Variants in GAN observed in about 807,000 individuals in gnomAD.
GAN encodes epididymis secretory sperm binding protein.
Under a neutral mutation model 71.3 loss-of-function variants are expected in GAN, and 48 were observed. The ratio of observed to expected loss-of-function variants is 0.67; its 90% CI spans 0.53 to 0.86. The LOEUF (loss-of-function observed/expected upper bound fraction) is 0.86, where lower values mean the gene tolerates loss of function less well. Ranked by LOEUF, GAN falls within the 40% of genes least tolerant of loss-of-function variation. The probability of loss-of-function intolerance (pLI) is 0.00; values close to 1 mark genes in which losing one functional copy is unlikely to be tolerated. For missense variants in GAN, 928 were observed against 770.1 expected, an observed-to-expected ratio of 1.21 and a Z score of -2.43; for synonymous variants, 386 against 276.8, an observed-to-expected ratio of 1.39 and a Z score of -3.92.
chr16:81,377,146 C>T (rs1904284219), intron 9 of GAN, 73 bp from the exon 10 acceptor site: 2 of 909,232 alleles, frequency 2.2e-6, no homozygotes, highest in Non-Finnish European at 1.9e-6. Flanking sequence ...ACCAAGCTTG[C>T]TGTGTCAGTC....
At chr16:81,360,401 C>T (rs1046138535) in intron 5 of GAN, among the ~76,000 whole-genome samples, 7 of 152,110 alleles carry the variant, frequency 4.6e-5, no homozygotes, top group Non-Finnish European at 1.0e-4. Context: ...TTCTGCCTTC[C>T]ATTGTTGTGA....
At chr16:81,345,769 G>A (rs977492481) in intron 1 of GAN, among the ~76,000 whole-genome samples, 1 of 152,118 alleles carries the variant, frequency 6.6e-6, no homozygotes, top group African/African-American at 2.4e-5. Context: ...AGGGCTTCTT[G>A]TAACCTTTTC....
Position 81,354,985 on chromosome 16 carries a change from G to A in GAN, c.633+230G>A, listed in dbSNP as rs533096668. On this transcript the variant is annotated intron_variant, in intron 3 of 10. Transcript: ENST00000648994. Reference sequence around the variant, plus strand: ...GAAAATATTAGCCCTTGTAAGGAGCGTAATATCCTTTGTATGTTGTTTTTA... The same window carrying A: ...GAAAATATTAGCCCTTGTAAGGAGCATAATATCCTTTGTATGTTGTTTTTA... Among the ~76,000 whole-genome samples the A allele has an allele frequency of 8.1e-4, 124 of 152,306 alleles. 1 individual carries two copies. Among genetic ancestry groups the A allele is most frequent in the African/African-American group, 2.8e-3 (115 of 41,562 alleles).
chr16:81,334,942 GAAAC>G (rs1184733532), intron 1 of GAN, among the ~76,000 whole-genome samples: 5 of 152,134 alleles, frequency 3.3e-5, no homozygotes, highest in East Asian at 1.9e-4. Flanking sequence ...GATAGAGCAG[GAAAC>G]AAACAAAGTC....
At chr16:81,360,028 TGGATGG>T (rs1910620369) in intron 5 of GAN, among the ~76,000 whole-genome samples, 1 of 119,222 alleles carries the variant, frequency 8.4e-6, no homozygotes, top group Non-Finnish European at 1.9e-5. Flanking sequence ...GATGGATGGA[TGGATGG>T]ATGGATGGAT....
At chr16:81,323,694 TAACTC>T (rs1909289033) in intron 1 of GAN, among the ~76,000 whole-genome samples, 2 of 152,200 alleles carry the variant, frequency 1.3e-5, no homozygotes, top group South Asian at 2.1e-4. Context: ...ACACAGGAGA[TAACTC>T]AAGACATCTC....
At chr16:81,351,231 A>G (rs939261290) in intron 1 of GAN, among the ~76,000 whole-genome samples, 1 of 152,192 alleles carries the variant, frequency 6.6e-6, no homozygotes, top group African/African-American at 2.4e-5. Flanking sequence ...AGGTTTGTGG[A>G]GTCCTTGTTA....
At chr16:81,336,089 G>T (rs879936016) in intron 1 of GAN, among the ~76,000 whole-genome samples, 2 of 152,120 alleles carry the variant, frequency 1.3e-5, no homozygotes, top group Non-Finnish European at 2.9e-5. Flanking sequence ...CATGTCTTCC[G>T]ACAGGACAAA....
At chr16:81,365,237 A>C (rs1429038724) in intron 8 of GAN, 113 bp from the exon 9 acceptor site, 1 of 1,566,730 alleles carries the variant, frequency 6.4e-7, no homozygotes, top group Non-Finnish European at 8.8e-7. Flanking sequence ...ATTTCCTGAG[A>C]AAGGAAGGCC....
At chr16:81,369,018 G>A (rs372926851) in intron 9 of GAN, among the ~76,000 whole-genome samples, 11 of 152,194 alleles carry the variant, frequency 7.2e-5, no homozygotes, top group South Asian at 4.2e-4. Flanking sequence ...TTCACATATC[G>A]TATACTCCAG....
intron 1 of GAN, among the ~76,000 whole-genome samples, chr16:81,337,382 AAT>A (rs1299343341): frequency 1.3e-5 from 2 of 152,184 alleles, no homozygotes; most frequent in African/African-American, 4.8e-5. Flanking sequence ...ATTCTATTTA[AAT>A]ATGTTTCCTT....
chr16:81,335,121 AG>A (rs1213632206), intron 1 of GAN, among the ~76,000 whole-genome samples: 1 of 105,988 alleles, frequency 9.4e-6, no homozygotes, highest in Non-Finnish European at 1.8e-5. Flanking sequence ...AACTGGATCT[AG>A]GGAAGGATTA....
chr16:81,342,291 C>A (rs551272239), intron 1 of GAN, among the ~76,000 whole-genome samples: 1 of 152,316 alleles, frequency 6.6e-6, no homozygotes, highest in Admixed American at 6.5e-5. Context: ...ACCAAATAGA[C>A]ATCTACAGAA....
At chr16:81,376,967 G>C (rs1904283563) in intron 9 of GAN, among the ~76,000 whole-genome samples, 2 of 152,320 alleles carry the variant, frequency 1.3e-5, no homozygotes, top group East Asian at 1.9e-4. Context: ...CAGAAACCTT[G>C]TGCTGAGCAG....
rs991469553 is a variant in GAN at position 81,354,572 on chromosome 16, T to A, written c.450T>A (p.His150Gln). Residue 150 changes from histidine (H) to glutamine (Q), a missense_variant, in exon 3 of 11, where the codon CAT becomes CAA. Transcript: ENST00000648994. ...FALHYCLHHV[H>Q]YLATEYLETH... ...TACATTACTGCCTCCATCACGTTCA[T>A]TACCTTGCCACAGAATACCTGGAGA... 2 of 1,614,030 alleles carry A rather than the reference T, an allele frequency of 1.2e-6. No individual in the cohort carries two copies. Among genetic ancestry groups the A allele is most frequent in the Non-Finnish European group, 1.7e-6 (2 of 1,180,020 alleles).
intron 1 of GAN, among the ~76,000 whole-genome samples, chr16:81,327,877 C>T (rs1278401189): frequency 2.6e-5 from 4 of 152,170 alleles, no homozygotes; most frequent in African/African-American, 9.7e-5. Flanking sequence ...TTAATAGCCT[C>T]CGAAATAGAA....
rs572538243 is a variant in GAN at position 81,381,733 on chromosome 16, A to G, written c.*4137A>G. The G allele has an allele frequency of 6.6e-6, 1 of 152,252 alleles. No homozygotes were observed. Among genetic ancestry groups the G allele is most frequent in the African/African-American group, 2.4e-5 (1 of 41,468 alleles). The allele number at this position is 152,252 out of a possible 1,614,324, so 9.4% of individuals were successfully genotyped here. A position where few individuals can be genotyped will look rare whatever the true frequency, so the allele number is the denominator to read the frequency against. On this transcript the variant is annotated 3_prime_UTR_variant, in exon 11 of 11. Transcript: ENST00000648994. ...AGTGCTTGCACAGAGTAGGTAGGCA[A>G]TAAACATTTGACAAATAAATATAAG...
At chr16:81,354,209 C>G (rs1322629337) in intron 2 of GAN, among the ~76,000 whole-genome samples, 196 bp from the exon 3 acceptor site, 1 of 149,422 alleles carries the variant, frequency 6.7e-6, no homozygotes, top group Non-Finnish European at 1.5e-5. Flanking sequence ...ACCAAGCACA[C>G]ATTTGCTTAT....
chr16:81,347,767 A>G (rs1910168765), intron 1 of GAN, among the ~76,000 whole-genome samples: 1 of 152,080 alleles, frequency 6.6e-6, no homozygotes, highest in African/African-American at 2.4e-5. Flanking sequence ...CTGATTCTTG[A>G]TCCTTTCCAT....
Sources: allele counts gnomAD v4.1 joint callset (sites outside exome capture counted in the v4.1 genomes callset), GRCh38; gene constraint gnomAD v4.1.1; transcripts MANE v1.5; gene names NCBI Gene and HGNC (gene_info 2026-07-23, HGNC 2026-07-21).